WBP2: variants seen among roughly 807,000 people sequenced by gnomAD.
WBP2 encodes the protein WW domain binding protein 2.
A neutral mutation model predicts 33.0 loss-of-function variants in WBP2; 23 were observed. The ratio of observed to expected loss-of-function variants is 0.70; its 90% CI spans 0.50 to 0.99. The LOEUF is 0.99. WBP2 is among the 50% of genes least tolerant of loss of function. WBP2 has a pLI of 0.00. For synonymous variants in WBP2, 153 were observed against 133.5 expected (o/e 1.15, Z -1.01); for missense variants, 353 against 358.0 (o/e 0.99, Z 0.11).
At chr17:75,851,392 T>C (rs2065026486) in intron 2 of WBP2, 176 bp downstream of exon 2, 2 of 557,470 alleles carry the variant, frequency 3.6e-6, no homozygotes, top group Non-Finnish European at 6.7e-6. Context: ...ACAAAGAGCC[T>C]GGTGATTCTG....
At chr17:75,855,184 C>CCCCA in intron 1 of WBP2, 55 bp downstream of exon 1, 4 of 1,514,148 alleles carry the variant, frequency 2.6e-6, no homozygotes, top group Non-Finnish European at 2.7e-6. Flanking sequence ...ACCCACCGCC[C>CCCCA]ACTTCCTCGA....
intron 3 of WBP2, 68 bp downstream of exon 3, chr17:75,849,536 G>A (rs561171146): frequency 6.9e-6 from 11 of 1,593,692 alleles, no homozygotes; most frequent in Admixed American, 3.4e-5. Flanking sequence ...CCCCCACGGC[G>A]GCAGTCAGAG....
chr17:75,851,056 T>C (rs1397589590), intron 2 of WBP2: 2 of 154,184 alleles, frequency 1.3e-5, no homozygotes, highest in African/African-American at 4.8e-5. Context: ...CATCCATTTG[T>C]ATTTCTCAAC....
Position 75,852,572 on chromosome 17 carries a change from C to T in WBP2, c.60-896G>A, listed in dbSNP as rs1251950636. ...CTGGGTTCATGCCATTCTCCTGCCT[C>T]AGTCTCCCAAGTAGCTGGGACTACA... is the stretch of plus-strand genomic sequence containing the variant. On this transcript the variant is annotated intron_variant, in intron 1 of 7. Coordinates refer to ENST00000254806, the MANE Select transcript of WBP2 (RefSeq NM_012478.4). 2.0e-5 allele frequency: 3 copies of T among 152,410 alleles called. No individual in the cohort carries two copies. In the Admixed American group the frequency reaches 2.0e-4, roughly 10 times the overall value. 9.4% of individuals were successfully genotyped at this position (152,410 alleles called of 1,614,324 possible). A position where few individuals can be genotyped will look rare whatever the true frequency, so the allele number is the denominator to read the frequency against.
At chr17:75,851,319 A>T (rs1214025900) in intron 2 of WBP2, 1 of 396,174 alleles carries the variant, frequency 2.5e-6, no homozygotes. Context: ...AACTCTATAG[A>T]GATTTTGCAG....
chr17:75,848,621 C>T lies in WBP2; in HGVS notation c.346G>A (p.Ala116Thr), dbSNP rs376568072. The stretch of plus-strand genomic sequence containing the variant: ...TGTCCGAACTCAATGGCGCCCCCTG[C>T]CGTGAAAGTCAACTTGTAGGAAGCA... ...GSASYKLTFT[A>T]GGAIEFGQRM... is the part of the protein sequence containing the mutation. Residue 116 changes from alanine (A) to threonine (T), a missense_variant, in exon 4 of 8, where the codon GCA becomes ACA. By Grantham distance (58) the Ala-to-Thr change is moderately conservative. Coordinates refer to ENST00000254806, the MANE Select transcript of WBP2 (RefSeq NM_012478.4). The T allele has an allele frequency of 6.3e-5, 101 of 1,613,942 alleles. No homozygotes were observed. The highest frequency in any genetic ancestry group is 8.0e-5 in the Non-Finnish European group (94 of 1,179,968).
chr17:75,851,776 G>C, intron 1 of WBP2, 100 bp from the exon 2 acceptor site: 1 of 861,202 alleles, frequency 1.2e-6, no homozygotes, highest in East Asian at 2.6e-5. Flanking sequence ...CGGCACGTCA[G>C]CTCTCATAAC....
upstream of WBP2, among the ~76,000 whole-genome samples, chr17:75,855,831 G>T (rs1045480756): frequency 6.6e-6 from 1 of 152,374 alleles, no homozygotes; most frequent in Admixed American, 6.5e-5. Flanking sequence ...TTTATGGGGC[G>T]CATGCGTGAC....
At chr17:75,855,469 A>G (rs1341912668), upstream of WBP2, 5 of 656,934 alleles carry the variant, frequency 7.6e-6, no homozygotes, top group Non-Finnish European at 1.3e-5. Flanking sequence ...CCCTCCTTCC[A>G]GTTCCTCCTG....
At chr17:75,849,803 C>T (rs1402901445) in intron 2 of WBP2, 64 bp from the exon 3 acceptor site, 33 of 1,589,446 alleles carry the variant, frequency 2.1e-5, no homozygotes, top group Non-Finnish European at 2.7e-5. Flanking sequence ...ATGCTTCCCG[C>T]CTGCTTCCTG....
chr17:75,847,074 G>A, intron 6 of WBP2, 90 bp from the exon 7 acceptor site: 1 of 1,449,186 alleles, frequency 6.9e-7, no homozygotes, highest in Non-Finnish European at 9.5e-7. Context: ...GCTCGGGGCA[G>A]CTGGTGCTGG....
chr17:75,848,515 C>G, intron 4 of WBP2, 55 bp downstream of exon 4: 2 of 1,540,846 alleles, frequency 1.3e-6, no homozygotes, highest in Non-Finnish European at 1.8e-6. Context: ...AAACTCATAC[C>G]AAACCCCTAC....
In WBP2 at chr17:75,855,006, T is replaced by C. The variant is rs574587108; in HGVS notation, c.59+233A>G. The C allele has an allele frequency of 2.1e-4, 118 of 575,192 alleles. 1 individual carries two copies. The highest frequency in any genetic ancestry group is 1.1e-3 in the South Asian group (53 of 48,722). The allele number at this position is 575,192 out of a possible 1,614,324, so 35.6% of individuals were successfully genotyped here. A position where few individuals can be genotyped will look rare whatever the true frequency, so the allele number is the denominator to read the frequency against. On this transcript the variant is annotated intron_variant, in intron 1 of 7. Transcript: ENST00000254806. ...CCCCTAGGCCCCACCGGGGGCCCCA[T>C]ACCAGGTCCCCATGCAGACGTCCCA...
At chr17:75,854,471 A>G (rs1477856269) in intron 1 of WBP2, among the ~76,000 whole-genome samples, 1 of 152,152 alleles carries the variant, frequency 6.6e-6, no homozygotes, top group Admixed American at 6.6e-5. Flanking sequence ...GGGAGGATGG[A>G]GTGGAAAGAA....
intron 3 of WBP2, 186 bp downstream of exon 3, chr17:75,849,414 GCTGT>G (rs2143922957): frequency 1.5e-6 from 1 of 646,060 alleles, no homozygotes; most frequent in Non-Finnish European, 2.6e-6. Flanking sequence ...GATCTGAGCT[GCTGT>G]CTTTCATGCC....
rs1309953107 is a variant in WBP2 at position 75,854,587 on chromosome 17, G to C, written c.59+652C>G. Among the ~76,000 whole-genome samples the C allele has an allele frequency of 2.6e-5, 4 of 152,314 alleles. No homozygotes were observed. In the East Asian group the frequency reaches 5.8e-4, roughly 22 times the overall value. ...ACCCACACAGTGCCAGGAACTGTTA[G>C]ACACCTGACAAACGTCATCTGTTTA... On this transcript the variant is annotated intron_variant, in intron 1 of 7. Coordinates refer to ENST00000254806, the MANE Select transcript of WBP2 (RefSeq NM_012478.4).
chr17:75,855,157 A>T, intron 1 of WBP2, 82 bp downstream of exon 1: 1 of 1,000,998 alleles, frequency 1.0e-6, no homozygotes, highest in Non-Finnish European at 1.4e-6. Context: ...TCAGGGGCTT[A>T]TTCCCCACCA....
At chr17:75,847,658 C>T (rs1357168110) in intron 5 of WBP2, 49 bp from the exon 6 acceptor site, 1 of 1,611,058 alleles carries the variant, frequency 6.2e-7, no homozygotes, top group South Asian at 1.1e-5. Flanking sequence ...CGGCTGCGGC[C>T]CCCTCCCGGG....
intron 3 of WBP2, 175 bp from the exon 4 acceptor site, chr17:75,848,837 G>A: frequency 1.6e-6 from 1 of 633,278 alleles, no homozygotes; most frequent in East Asian, 2.7e-5. Context: ...GCCTGCATAG[G>A]AGCCAGCACT....
Sources: allele counts gnomAD v4.1 joint callset (sites outside exome capture counted in the v4.1 genomes callset), GRCh38; gene constraint gnomAD v4.1.1; transcripts MANE v1.5; gene names NCBI Gene and HGNC (gene_info 2026-07-23, HGNC 2026-07-21).